Variants in ZCCHC7 observed in about 807,000 individuals in gnomAD.
ZCCHC7 encodes the protein zinc finger CCHC-type containing 7, also known as zinc finger CCHC domain-containing protein 7.
A neutral mutation model predicts 52.0 loss-of-function variants in ZCCHC7; 35 were observed. The observed-to-expected ratio is 0.67, with a 90% CI of 0.51 to 0.89. The LOEUF is 0.89. Among genes scored for constraint, ZCCHC7 ranks in the 40% least tolerant of loss-of-function variants. ZCCHC7 has a pLI of 0.00. For synonymous variants in ZCCHC7, 217 were observed against 221.5 expected (o/e 0.98, Z 0.18); for missense variants, 574 against 649.1 (o/e 0.88, Z 1.26).
At chr9:37,154,495 C>CT (rs905791118) in intron 2 of ZCCHC7, among the ~76,000 whole-genome samples, 9 of 152,028 alleles carry the variant, frequency 5.9e-5, no homozygotes, top group African/African-American at 1.9e-4. Context: ...TTTTTGTTGG[C>CT]TTTTTTTGAG....
chr9:37,212,402 T>A (rs967745260), intron 2 of ZCCHC7, among the ~76,000 whole-genome samples: 22 of 152,138 alleles, frequency 1.4e-4, no homozygotes, highest in African/African-American at 4.6e-4. Context: ...TTTAAAAAAA[T>A]TTTTGGAGTG....
chr9:37,330,435 T>C (rs1416056418), intron 6 of ZCCHC7, among the ~76,000 whole-genome samples: 1 of 151,672 alleles, frequency 6.6e-6, no homozygotes. Context: ...AAAGACTACA[T>C]ATACACAAAC....
Position 37,327,963 on chromosome 9 carries a change from G to A in ZCCHC7, c.987+129G>A, listed in dbSNP as rs879211630. The A allele has an allele frequency of 5.7e-5, 55 of 959,650 alleles. No homozygotes were observed. The Admixed American group carries it at 8.9e-4, about 16-fold the overall frequency. The allele number at this position is 959,650 out of a possible 1,614,324, so 59.4% of individuals were successfully genotyped here. A position where few individuals can be genotyped will look rare whatever the true frequency, so the allele number is the denominator to read the frequency against. On this transcript the variant is annotated intron_variant, in intron 6 of 8. Transcript: ENST00000336755. ...ATAAACATCTGAAGAGTTTTTGTAC[G>A]GAGAAAGCAATAATACACTTTTTCT...
At chr9:37,127,716 C>G (rs1842604438) in intron 2 of ZCCHC7, among the ~76,000 whole-genome samples, 1 of 152,174 alleles carries the variant, frequency 6.6e-6, no homozygotes, top group Non-Finnish European at 1.5e-5. Context: ...TTGAAATGCT[C>G]TTTTACTCAT....
chr9:37,145,114 T>A (rs1843382200), intron 2 of ZCCHC7: 1 of 151,978 alleles, frequency 6.6e-6, no homozygotes, highest in Non-Finnish European at 1.5e-5. Flanking sequence ...TTTGTCAGCC[T>A]TCGTCTTGTA....
At chr9:37,202,603 T>C (rs781616495) in intron 2 of ZCCHC7, among the ~76,000 whole-genome samples, 6 of 152,286 alleles carry the variant, frequency 3.9e-5, no homozygotes, top group South Asian at 2.1e-4. Flanking sequence ...TGCCTCAGTC[T>C]CCCCAGTAGC....
chr9:37,309,406 G>T (rs1296811036), intron 5 of ZCCHC7, among the ~76,000 whole-genome samples: 1 of 152,168 alleles, frequency 6.6e-6, no homozygotes, highest in East Asian at 1.9e-4. Flanking sequence ...CATCTTCCGT[G>T]ACCCTGAATC....
In ZCCHC7 at chr9:37,126,416, TAGTG is replaced by T; in HGVS notation, c.87_90del (p.Ser29ArgfsTer45). 6.2e-7 allele frequency: 1 copy of T among 1,614,024 alleles called. No homozygotes were observed. The highest frequency in any genetic ancestry group is 8.5e-7 in the Non-Finnish European group (1 of 1,180,006). ...AGTCATCTAGTGAACTGAGTGTTGA[TAGTG>T]AGGTGGAATTTCAACTCTATAGCCA... On this transcript the variant is annotated frameshift_variant, in exon 2 of 9. Coordinates refer to ENST00000336755, the MANE Select transcript of ZCCHC7 (RefSeq NM_032226.3). LOFTEE classifies it high-confidence loss of function.
At chr9:37,330,155 T>G (rs543531878) in intron 6 of ZCCHC7, among the ~76,000 whole-genome samples, 128 of 151,842 alleles carry the variant, frequency 8.4e-4, no homozygotes, top group African/African-American at 2.6e-3. Context: ...AAACAGAATA[T>G]TGTTTCTCAA....
At chr9:37,175,858 C>G (rs1821995696) in intron 2 of ZCCHC7, among the ~76,000 whole-genome samples, 1 of 152,170 alleles carries the variant, frequency 6.6e-6, no homozygotes, top group Admixed American at 6.5e-5. Context: ...ACCAGCCTTT[C>G]TCTCACATAC....
intron 2 of ZCCHC7, among the ~76,000 whole-genome samples, chr9:37,204,010 T>G (rs1391156790): frequency 1.3e-5 from 2 of 152,236 alleles, no homozygotes; most frequent in Non-Finnish European, 2.9e-5. Context: ...CTGACTGGCA[T>G]GAGATGGTAC....
chr9:37,301,074 G>A (rs1182778399), intron 2 of ZCCHC7, among the ~76,000 whole-genome samples: 3 of 152,244 alleles, frequency 2.0e-5, no homozygotes, highest in South Asian at 2.1e-4. Flanking sequence ...ATTATTCAGA[G>A]TCTAATTTTT....
At chr9:37,322,070 G>A (rs764594029) in intron 5 of ZCCHC7, among the ~76,000 whole-genome samples, 15 of 152,128 alleles carry the variant, frequency 9.9e-5, no homozygotes, top group Non-Finnish European at 2.2e-4. Context: ...GGATATCTGA[G>A]TGAGCTGAAA....
chr9:37,236,636 C>T (rs927084488), intron 2 of ZCCHC7, among the ~76,000 whole-genome samples: 4 of 152,050 alleles, frequency 2.6e-5, no homozygotes, highest in Non-Finnish European at 4.4e-5. Flanking sequence ...CCTCGTGATC[C>T]GCCCGTCTCA....
At position 37,306,161 on chromosome 9, in the gene ZCCHC7, G is replaced by A. The variant is rs531278275; in HGVS notation, c.951+447G>A. Among the ~76,000 whole-genome samples the A allele has an allele frequency of 2.3e-3, 346 of 151,916 alleles. 1 individual carries two copies. The highest frequency in any genetic ancestry group is 4.9e-3 in the Admixed American group (74 of 15,238). ...CGGCTCATTGCAACTTCTGCCTCCC[G>A]GGTTCCAGCGATTCTCCTGCCTCAG... On this transcript the variant is annotated intron_variant, in intron 5 of 8. Transcript: ENST00000336755.
chr9:37,347,857 C>G (rs1037315959), intron 6 of ZCCHC7, among the ~76,000 whole-genome samples: 1 of 152,220 alleles, frequency 6.6e-6, no homozygotes, highest in South Asian at 2.1e-4. Flanking sequence ...CTAGGCCTCT[C>G]TGCTATATTT....
chr9:37,122,846 A>G (rs1022861820), intron 1 of ZCCHC7, among the ~76,000 whole-genome samples: 4 of 152,238 alleles, frequency 2.6e-5, no homozygotes, highest in African/African-American at 9.6e-5. Flanking sequence ...CGGAGGCAGG[A>G]GAATTTCTTG....
chr9:37,264,554 T>C (rs1055014427), intron 2 of ZCCHC7, among the ~76,000 whole-genome samples: 1 of 152,192 alleles, frequency 6.6e-6, no homozygotes, highest in East Asian at 1.9e-4. Context: ...AGAATTTAAA[T>C]AGTTAAATAT....
chr9:37,258,316 T>C (rs1210383324), intron 2 of ZCCHC7, among the ~76,000 whole-genome samples: 1 of 152,066 alleles, frequency 6.6e-6, no homozygotes, highest in Non-Finnish European at 1.5e-5. Flanking sequence ...AGATAAGATA[T>C]CTCCTCACAG....
Sources: allele counts gnomAD v4.1 joint callset (sites outside exome capture counted in the v4.1 genomes callset), GRCh38; gene constraint gnomAD v4.1.1; transcripts MANE v1.5; gene names NCBI Gene and HGNC (gene_info 2026-07-23, HGNC 2026-07-21).